Variants in SDK2 observed in about 807,000 individuals in gnomAD.
SDK2 encodes sidekick cell adhesion molecule 2.
SDK2 carries 105 observed loss-of-function variants against 253.9 expected under a neutral mutation model. That is an observed-to-expected ratio of 0.41 (90% CI 0.35 to 0.49). SDK2 has a LOEUF of 0.49. SDK2 is among the 20% of genes least tolerant of loss of function. SDK2 has a pLI of 0.06. For synonymous variants in SDK2, 1,249 were observed against 1,234.9 expected (o/e 1.01, Z -0.24); for missense variants, 2,608 against 3,003.0 (o/e 0.87, Z 3.07).
rs189858544 is a variant in SDK2, at chr17:73,371,885, G to A, written c.4981-3292C>T. ...TGAGGCAGGAGAATCACTTGAACCCGAGAGGTGGAGGCTGCAGTGAGCTGA... is the reference window on the plus strand; with the variant it reads ...TGAGGCAGGAGAATCACTTGAACCCAAGAGGTGGAGGCTGCAGTGAGCTGA... On this transcript the variant is annotated intron_variant, in intron 36 of 44. Transcript: ENST00000392650. Among the ~76,000 whole-genome samples the A allele has an allele frequency of 3.1e-3, 478 of 151,902 alleles. 2 individuals are homozygous for A. Among genetic ancestry groups the A allele is most frequent in the African/African-American group, 0.011 (460 of 41,424 alleles).
At chr17:73,423,067 G>T (rs1003080386) in intron 14 of SDK2, among the ~76,000 whole-genome samples, 2 of 134,696 alleles carry the variant, frequency 1.5e-5, no homozygotes, top group East Asian at 2.0e-4. Context: ...AATGCAATGC[G>T]AATTATGCCT....
intron 1 of SDK2, among the ~76,000 whole-genome samples, chr17:73,608,126 G>A (rs183781122): frequency 5.9e-5 from 9 of 152,058 alleles, no homozygotes; most frequent in East Asian, 3.9e-4. Context: ...ACGTTTCACC[G>A]TCACTTCTCC....
At chr17:73,462,237 G>T (rs2145675228) in intron 3 of SDK2, among the ~76,000 whole-genome samples, 1 of 152,076 alleles carries the variant, frequency 6.6e-6, no homozygotes, top group Non-Finnish European at 1.5e-5. Flanking sequence ...ATGGTTGTAT[G>T]TATGTACATT....
At chr17:73,401,482 G>C (rs2063025469) in intron 20 of SDK2, among the ~76,000 whole-genome samples, 172 bp downstream of exon 20, 1 of 152,120 alleles carries the variant, frequency 6.6e-6, no homozygotes, top group African/African-American at 2.4e-5. Context: ...TGCAGACTCT[G>C]GGATGTGTTA....
chr17:73,514,880 G>A (rs1252865344), intron 1 of SDK2, among the ~76,000 whole-genome samples: 1 of 152,136 alleles, frequency 6.6e-6, no homozygotes, highest in Non-Finnish European at 1.5e-5. Context: ...CTTAATGGGT[G>A]CCAGGGGTGG....
intron 27 of SDK2, among the ~76,000 whole-genome samples, chr17:73,393,242 CAAAAAAA>C (rs11443969): frequency 1.3e-4 from 11 of 85,544 alleles, no homozygotes; most frequent in African/African-American, 3.9e-4. Context: ...GATACTCTAT[CAAAAAAA>C]AAAAAAAAAA....
At position 73,601,987 on chromosome 17, in the gene SDK2, G is replaced by A. The variant is rs190530019; in HGVS notation, c.64+42038C>T. Reference sequence around the variant, plus strand: ...TCGAACTCCTCACCTCAGGTGATCCGCCTGCCTTGGCCTCCCAAAGTGCTG... The same window carrying A: ...TCGAACTCCTCACCTCAGGTGATCCACCTGCCTTGGCCTCCCAAAGTGCTG... On this transcript the variant is annotated intron_variant, in intron 1 of 44. Coordinates refer to ENST00000392650, the MANE Select transcript of SDK2 (RefSeq NM_001144952.2). Among the ~76,000 whole-genome samples, 11 of 152,182 alleles carry A rather than the reference G, an allele frequency of 7.2e-5. No individual in the cohort carries two copies. The East Asian group carries it at 7.7e-4, about 11-fold the overall frequency.
chr17:73,375,367 T>A (rs1313314382), intron 36 of SDK2, among the ~76,000 whole-genome samples: 1 of 149,034 alleles, frequency 6.7e-6, no homozygotes, highest in African/African-American at 2.5e-5. Flanking sequence ...TCCCACCCCG[T>A]TGGCTGGGAC....
chr17:73,383,996 T>G lies in SDK2; in HGVS notation c.4585A>C (p.Lys1529Gln). Residue 1529 changes from lysine to glutamine, a missense_variant, in exon 33 of 45, where the codon AAG (lysine) becomes CAG (glutamine). This residue lies in a region of SDK2 where 1,103 missense variants were observed against 1,143.9 expected (regional missense o/e 0.96). Transcript: ENST00000392650. This position sits in a 1 kb window ranked among gnomAD's most constrained non-coding sequence, Gnocchi z 4.3. ...AAGCCCAGGAGGATGCCATTGATCT[T>G]GTCCTCTGCTGGCGGCTGCAGGAAG... is the stretch of plus-strand genomic sequence containing the variant. ...LIRWQPPAED[K>Q]INGILLGFRI... 1 of 1,613,796 alleles carries G rather than the reference T, an allele frequency of 6.2e-7. No individual in the cohort carries two copies. Among genetic ancestry groups the G allele is most frequent in the Non-Finnish European group, 8.5e-7 (1 of 1,179,836 alleles).
Position 73,361,353 on chromosome 17 carries a change from C to A in SDK2, c.5467+331G>T, listed in dbSNP as rs1318505675. Among the ~76,000 whole-genome samples the A allele has an allele frequency of 2.6e-5, 4 of 152,124 alleles. No individual in the cohort carries two copies. The highest frequency in any genetic ancestry group is 4.4e-5 in the Non-Finnish European group (3 of 68,024). On this transcript the variant is annotated intron_variant, in intron 39 of 44. Transcript: ENST00000392650. This position sits in a 1 kb window ranked among gnomAD's most constrained non-coding sequence, Gnocchi z 4.1. ...CCTGCCAGGCTGCATCCTTCCAGGA[C>A]GGAAGTAAAGGAGGCCATGCAATTA...
At chr17:73,412,249 AACATAT>A (rs776010834) in intron 18 of SDK2, among the ~76,000 whole-genome samples, 18 of 148,150 alleles carry the variant, frequency 1.2e-4, no homozygotes, top group South Asian at 2.1e-4. Flanking sequence ...TATATCCTGG[AACATAT>A]ACATATACAT....
chr17:73,569,199 C>CA (rs755427952), intron 1 of SDK2, among the ~76,000 whole-genome samples: 1 of 137,536 alleles, frequency 7.3e-6, no homozygotes, highest in African/African-American at 2.7e-5. Flanking sequence ...TCTTTCTTTT[C>CA]TTTTTTTTTT....
intron 1 of SDK2, among the ~76,000 whole-genome samples, chr17:73,586,914 T>C (rs983958098): frequency 6.6e-6 from 1 of 152,228 alleles, no homozygotes; most frequent in Admixed American, 6.5e-5. Flanking sequence ...CAGATCTGAA[T>C]GGAATTCCTC....
At chr17:73,469,990 G>GTGCA (rs1436205404) in intron 3 of SDK2, among the ~76,000 whole-genome samples, 9 of 105,612 alleles carry the variant, frequency 8.5e-5, no homozygotes, top group Non-Finnish European at 1.6e-4. Flanking sequence ...CTGCGCGCGC[G>GTGCA]CGCACACACA....
intron 1 of SDK2, among the ~76,000 whole-genome samples, chr17:73,574,635 C>T (rs939401687): frequency 2.6e-5 from 4 of 152,150 alleles, no homozygotes; most frequent in Admixed American, 6.5e-5. Context: ...TGTGGGCACA[C>T]CATCACCTCT....
intron 1 of SDK2, among the ~76,000 whole-genome samples, chr17:73,526,307 C>G (rs1438298048): frequency 1.3e-5 from 2 of 152,174 alleles, no homozygotes; most frequent in East Asian, 3.9e-4. Flanking sequence ...GCCGCAAGAG[C>G]AGGCCTGGGT....
At chr17:73,412,135 T>C (rs1429933330) in intron 18 of SDK2, among the ~76,000 whole-genome samples, 4 of 22,626 alleles carry the variant, frequency 1.8e-4, no homozygotes, top group African/African-American at 2.7e-4. Flanking sequence ...TATATGTGTA[T>C]GTGTATATGT....
intron 3 of SDK2, among the ~76,000 whole-genome samples, chr17:73,469,992 GCACACA>G (rs34448667): frequency 9.6e-4 from 121 of 126,252 alleles, no homozygotes; most frequent in African/African-American, 2.7e-3. Flanking sequence ...GCGCGCGCGC[GCACACA>G]CACACACACA....
chr17:73,552,399 T>C (rs1036106913), intron 1 of SDK2, among the ~76,000 whole-genome samples: 8 of 152,214 alleles, frequency 5.3e-5, no homozygotes, highest in African/African-American at 1.9e-4. Flanking sequence ...AACCCCCTCA[T>C]GTTAAGGCAG....
Sources: gnomAD v4.1 joint callset for allele counts (sites outside exome capture counted in the v4.1 genomes callset) on GRCh38, gnomAD v4.1.1 for gene constraint, gnomAD v4.1.1 regional missense constraint, Gnocchi (gnomAD v3.1) non-coding constraint, MANE v1.5 for transcripts, NCBI Gene and HGNC (gene_info 2026-07-23, HGNC 2026-07-21) for gene names.